CSMD1: variants seen among roughly 807,000 people sequenced by gnomAD.
The protein encoded by CSMD1 is CUB and Sushi multiple domains 1.
In CSMD1, 213 loss-of-function variants were observed where a neutral mutation model predicts 417.5. That is an observed-to-expected ratio of 0.51 (90% CI 0.46 to 0.57). The LOEUF is 0.57. CSMD1 is among the 20% of genes least tolerant of loss of function. The pLI, the probability that CSMD1 is intolerant of heterozygous loss-of-function variation, is 0.00. For synonymous variants in CSMD1, 2,862 were observed against 1,736.8 expected (o/e 1.65, Z -16.11); for missense variants, 6,923 against 4,529.7 (o/e 1.53, Z -15.17).
At chr8:3,388,779 C>T (rs1811163037) in intron 17 of CSMD1, among the ~76,000 whole-genome samples, 1 of 152,160 alleles carries the variant, frequency 6.6e-6, no homozygotes, top group Non-Finnish European at 1.5e-5. Flanking sequence ...AGCCTCCTTC[C>T]AACTCTGGAG....
chr8:4,726,553 A>C (rs1419190446), intron 1 of CSMD1, among the ~76,000 whole-genome samples: 1 of 152,176 alleles, frequency 6.6e-6, no homozygotes, highest in East Asian at 1.9e-4. Flanking sequence ...CCAGAGGGAC[A>C]GGACCACTTC....
intron 9 of CSMD1, among the ~76,000 whole-genome samples, chr8:3,584,263 G>A (rs1348206539): frequency 6.6e-6 from 1 of 152,130 alleles, no homozygotes; most frequent in Non-Finnish European, 1.5e-5. Flanking sequence ...CTTTGCCTGT[G>A]GAGTTGAAAG....
At position 3,920,073 on chromosome 8, in the gene CSMD1, G is replaced by A. The variant is rs183083294; in HGVS notation, c.818+77830C>T. Among the ~76,000 whole-genome samples the A allele has an allele frequency of 2.6e-5, 4 of 151,172 alleles. No homozygotes were observed. The East Asian group carries it at 5.9e-4, about 22-fold the overall frequency. ...CCCAAGACAAGATCTCACTCCTTCT[G>A]CCCTGGCTAGACTGCAGTGGTGCAA... On this transcript the variant is annotated intron_variant, in intron 5 of 69. Coordinates refer to ENST00000635120, the MANE Select transcript of CSMD1 (RefSeq NM_033225.6).
intron 23 of CSMD1, among the ~76,000 whole-genome samples, chr8:3,338,666 G>C (rs1233963851): frequency 1.3e-5 from 2 of 152,170 alleles, no homozygotes; most frequent in Non-Finnish European, 1.5e-5. Flanking sequence ...GCTGGCCAGT[G>C]CACTTCTGCA....
chr8:4,580,991 G>T (rs117777643), intron 2 of CSMD1, among the ~76,000 whole-genome samples: 4 of 152,108 alleles, frequency 2.6e-5, no homozygotes, highest in African/African-American at 9.7e-5. Context: ...CCTTATTCCA[G>T]TGCCTCACAT....
intron 5 of CSMD1, among the ~76,000 whole-genome samples, chr8:3,884,597 G>T (rs944010931): frequency 6.6e-6 from 1 of 152,160 alleles, no homozygotes; most frequent in East Asian, 1.9e-4. Flanking sequence ...ACATCGGTGA[G>T]AAGTCATTTG....
intron 2 of CSMD1, among the ~76,000 whole-genome samples, chr8:4,540,746 G>C (rs889693304): frequency 6.6e-6 from 1 of 152,040 alleles, no homozygotes; most frequent in Non-Finnish European, 1.5e-5. Flanking sequence ...CAGGTACTAA[G>C]GGCTGTCCAC....
intron 4 of CSMD1, among the ~76,000 whole-genome samples, chr8:4,011,781 A>G (rs1483485327): frequency 1.3e-5 from 2 of 152,186 alleles, no homozygotes; most frequent in Non-Finnish European, 2.9e-5. Context: ...CAAGTGTAGT[A>G]TAATATTAAA....
intron 3 of CSMD1, among the ~76,000 whole-genome samples, chr8:4,036,172 G>C (rs1414761220): frequency 1.3e-5 from 2 of 152,156 alleles, no homozygotes; most frequent in African/African-American, 2.4e-5. Context: ...TTGTGTAAGT[G>C]TGCTCTGTGA....
At chr8:4,110,987 G>T (rs564026613) in intron 3 of CSMD1, among the ~76,000 whole-genome samples, 1 of 152,136 alleles carries the variant, frequency 6.6e-6, no homozygotes, top group East Asian at 1.9e-4. Context: ...ATCTGAGCTG[G>T]AACAAGCTCA....
chr8:3,613,585 G>C (rs890780137), intron 8 of CSMD1, among the ~76,000 whole-genome samples: 3 of 151,870 alleles, frequency 2.0e-5, no homozygotes, highest in African/African-American at 4.8e-5. Context: ...CAGAATATGA[G>C]TTTTTAACTT....
chr8:4,254,171 C>T (rs903848217), intron 3 of CSMD1, among the ~76,000 whole-genome samples: 2 of 152,014 alleles, frequency 1.3e-5, no homozygotes, highest in Non-Finnish European at 2.9e-5. Flanking sequence ...CCCGCCTTGG[C>T]CTCCCAAAGT....
chr8:3,896,744 GT>G (rs986079506), intron 5 of CSMD1, among the ~76,000 whole-genome samples: 21 of 151,758 alleles, frequency 1.4e-4, no homozygotes, highest in Admixed American at 1.1e-3. Context: ...TCCTGAATAT[GT>G]TTTTTTTAAT....
chr8:3,377,404 T>G (rs1810380599), intron 18 of CSMD1, among the ~76,000 whole-genome samples: 1 of 152,326 alleles, frequency 6.6e-6, no homozygotes. Flanking sequence ...TCGAAAGGTT[T>G]AAATCTCAAA....
intron 3 of CSMD1, among the ~76,000 whole-genome samples, chr8:4,165,051 C>A (rs777717378): frequency 5.3e-5 from 8 of 152,104 alleles, no homozygotes; most frequent in Non-Finnish European, 7.3e-5. Context: ...TTGGTAGAGG[C>A]TGTGTAGACA....
In CSMD1 at chr8:4,946,442, G is replaced by C. The variant is rs534946949; in HGVS notation, c.85+47890C>G. Among the ~76,000 whole-genome samples the C allele has an allele frequency of 2.0e-5, 3 of 152,240 alleles. No homozygotes were observed. The South Asian group carries it at 6.2e-4, about 32-fold the overall frequency. On this transcript the variant is annotated intron_variant, in intron 1 of 69. Transcript: ENST00000635120. Reference sequence around the variant, plus strand: ...AAGATGGCTTTGGACCGTGTGTTGAGTGACAGGCTGGTCTGCCCAGTGACC... The same window carrying C: ...AAGATGGCTTTGGACCGTGTGTTGACTGACAGGCTGGTCTGCCCAGTGACC...
At chr8:3,253,508 G>A (rs1447177801) in intron 26 of CSMD1, among the ~76,000 whole-genome samples, 3 of 152,276 alleles carry the variant, frequency 2.0e-5, no homozygotes, top group African/African-American at 4.8e-5. Context: ...ATATTCTGTT[G>A]ATTTGGGGTG....
At chr8:4,075,657 G>C (rs922655701) in intron 3 of CSMD1, among the ~76,000 whole-genome samples, 1 of 152,154 alleles carries the variant, frequency 6.6e-6, no homozygotes, top group Non-Finnish European at 1.5e-5. Context: ...AAATTGTCTT[G>C]ATTTGTGAGA....
intron 3 of CSMD1, among the ~76,000 whole-genome samples, chr8:4,418,377 C>T (rs1279970400): frequency 6.6e-6 from 1 of 151,996 alleles, no homozygotes; most frequent in Non-Finnish European, 1.5e-5. Context: ...CCATCATGAC[C>T]ACCAGTAAAC....
Sources: allele counts gnomAD v4.1 joint callset (sites outside exome capture counted in the v4.1 genomes callset), GRCh38; gene constraint gnomAD v4.1.1; transcripts MANE v1.5; gene names NCBI Gene and HGNC (gene_info 2026-07-23, HGNC 2026-07-21).